Variants in GALNT14 observed in about 807,000 individuals in gnomAD.
The protein encoded by GALNT14 is UDP-GalNAc:polypeptide N-acetylgalactosaminyltransferase 14.
Under a neutral mutation model 77.5 loss-of-function variants are expected in GALNT14, and 60 were observed. The ratio of observed to expected loss-of-function variants is 0.77; its 90% CI spans 0.63 to 0.96. The LOEUF (loss-of-function observed/expected upper bound fraction) is 0.96. Among genes scored for constraint, GALNT14 ranks in the 40% least tolerant of loss-of-function variants. GALNT14 has a pLI of 0.00. For missense variants in GALNT14, 710 were observed against 731.0 expected (o/e 0.97, Z 0.33); for synonymous variants, 280 against 281.7 (o/e 0.99, Z 0.06).
chr2:31,088,881 G>A (rs1333482692), intron 1 of GALNT14, among the ~76,000 whole-genome samples: 2 of 152,184 alleles, frequency 1.3e-5, no homozygotes, highest in Non-Finnish European at 2.9e-5. Context: ...TAGCGGAGGG[G>A]CTGGCTTTAG....
At chr2:30,974,847 C>T (rs933416749) in intron 2 of GALNT14, among the ~76,000 whole-genome samples, 2 of 152,130 alleles carry the variant, frequency 1.3e-5, no homozygotes, top group African/African-American at 4.8e-5. Flanking sequence ...AGGATGATGA[C>T]TAAACATACT....
At chr2:31,076,862 G>C (rs1402619707) in intron 1 of GALNT14, among the ~76,000 whole-genome samples, 1 of 152,038 alleles carries the variant, frequency 6.6e-6, no homozygotes, top group Non-Finnish European at 1.5e-5. Flanking sequence ...AGATGAACCA[G>C]GACTTAAGAT....
At chr2:31,110,242 C>T (rs111921711) in intron 1 of GALNT14, among the ~76,000 whole-genome samples, 1,537 of 152,290 alleles carry the variant, frequency 0.01, 10 homozygotes, top group South Asian at 0.03. Context: ...ATGCAGAGAG[C>T]ACACAGCTTC....
intron 1 of GALNT14, among the ~76,000 whole-genome samples, chr2:31,034,183 TC>T (rs1229367036): frequency 6.6e-6 from 1 of 152,174 alleles, no homozygotes; most frequent in African/African-American, 2.4e-5. Flanking sequence ...ACATCTCTCT[TC>T]CTTCTTAATC....
At chr2:30,990,756 T>C (rs1669647953) in intron 2 of GALNT14, among the ~76,000 whole-genome samples, 1 of 152,174 alleles carries the variant, frequency 6.6e-6, no homozygotes, top group Non-Finnish European at 1.5e-5. Flanking sequence ...CAGAGTAAGT[T>C]CTTTAAGTGT....
At chr2:31,036,354 T>C (rs1468914493) in intron 1 of GALNT14, among the ~76,000 whole-genome samples, 2 of 152,226 alleles carry the variant, frequency 1.3e-5, no homozygotes, top group Non-Finnish European at 2.9e-5. Context: ...CAGTATAGTT[T>C]GAATTAATGC....
At chr2:30,976,276 G>A (rs76157588) in intron 2 of GALNT14, among the ~76,000 whole-genome samples, 3,587 of 152,246 alleles carry the variant, frequency 0.024, 143 homozygotes, top group East Asian at 0.21. Context: ...ACTGACTCGT[G>A]CAATCTGGGC....
At chr2:31,129,704 G>C (rs1198398378) in intron 1 of GALNT14, 41 of 931,960 alleles carry the variant, frequency 4.4e-5, no homozygotes, top group Non-Finnish European at 4.6e-5. Flanking sequence ...GATTGGACCA[G>C]TCTCTATGGC....
intron 1 of GALNT14, among the ~76,000 whole-genome samples, chr2:31,030,354 G>A (rs536841865): frequency 6.6e-6 from 1 of 152,160 alleles, no homozygotes; most frequent in Non-Finnish European, 1.5e-5. Context: ...AAAAATCAAG[G>A]CATTTGATTT....
chr2:31,066,093 T>C (rs1048927528), intron 1 of GALNT14, among the ~76,000 whole-genome samples: 1 of 152,172 alleles, frequency 6.6e-6, no homozygotes, highest in Non-Finnish European at 1.5e-5. Context: ...ATCATAGCTG[T>C]AGGTGCCCAG....
the GALNT14 span, among the ~76,000 whole-genome samples, chr2:30,905,441 A>C: frequency 6.6e-6 from 1 of 152,164 alleles, no homozygotes; most frequent in Non-Finnish European, 1.5e-5. Flanking sequence ...CGATGCGATC[A>C]ACTGGAAGAA....
intron 1 of GALNT14, among the ~76,000 whole-genome samples, chr2:31,099,189 G>T (rs1229773309): frequency 6.6e-6 from 1 of 151,900 alleles, no homozygotes; most frequent in African/African-American, 2.4e-5. Context: ...ATATAGCTTT[G>T]AGTTTTGATG....
At chr2:31,003,022 A>G (rs1670460835) in intron 1 of GALNT14, among the ~76,000 whole-genome samples, 1 of 152,198 alleles carries the variant, frequency 6.6e-6, no homozygotes, top group African/African-American at 2.4e-5. Flanking sequence ...AGAAATCTAA[A>G]TTTAATTTAT....
At chr2:30,893,781 A>AG in the GALNT14 span, among the ~76,000 whole-genome samples, 1 of 152,050 alleles carries the variant, frequency 6.6e-6, no homozygotes, top group Non-Finnish European at 1.5e-5. Flanking sequence ...ATTAAAAAAA[A>AG]AAAAATAGAA....
chr2:30,924,566 C>T (rs1665242347), intron 12 of GALNT14, among the ~76,000 whole-genome samples, 174 bp downstream of exon 12: 1 of 152,166 alleles, frequency 6.6e-6, no homozygotes, highest in South Asian at 2.1e-4. Context: ...GCTATTGATT[C>T]AGTATAAGGT....
the GALNT14 span, among the ~76,000 whole-genome samples, chr2:30,887,777 T>C: frequency 1.3e-5 from 2 of 152,248 alleles, no homozygotes; most frequent in African/African-American, 4.8e-5. Flanking sequence ...TAAGAAAGCA[T>C]TGCAAAATCT....
the GALNT14 span, among the ~76,000 whole-genome samples, chr2:30,887,462 C>T: frequency 2.6e-5 from 4 of 151,974 alleles, no homozygotes; most frequent in Admixed American, 2.6e-4. Context: ...TTGCATTTTT[C>T]CAGTGATTAA....
chr2:30,934,494 A>G (rs747324329), intron 9 of GALNT14, among the ~76,000 whole-genome samples: 1 of 152,174 alleles, frequency 6.6e-6, no homozygotes, highest in Non-Finnish European at 1.5e-5. Flanking sequence ...CCTTGTATTC[A>G]AATGAGACAT....
chr2:30,964,470 C>T (rs1030905144), intron 3 of GALNT14, among the ~76,000 whole-genome samples: 3 of 152,326 alleles, frequency 2.0e-5, no homozygotes, highest in Non-Finnish European at 2.9e-5. Context: ...ACCAGCCAGG[C>T]GCTTTGTTAT....
Sources: gnomAD v4.1 joint callset for allele counts (sites outside exome capture counted in the v4.1 genomes callset) on GRCh38, gnomAD v4.1.1 for gene constraint, MANE v1.5 for transcripts, NCBI Gene and HGNC (gene_info 2026-07-23, HGNC 2026-07-21) for gene names.